The following UBE2K variants were observed in gnomAD, a reference collection of about 807,000 sequenced individuals.
UBE2K encodes the protein ubiquitin-conjugating enzyme E2 K.
Under a neutral mutation model 30.0 loss-of-function variants are expected in UBE2K, and 6 were observed. The ratio of observed to expected loss-of-function variants is 0.20; its 90% CI spans 0.11 to 0.39. The LOEUF (loss-of-function observed/expected upper bound fraction) is 0.39, where lower values mean the gene tolerates loss of function less well. UBE2K is among the 10% of genes least tolerant of loss of function. The pLI is 1.00. For missense variants in UBE2K, 61 were observed against 241.6 expected, an observed-to-expected ratio of 0.25 and a Z score of 4.96; for synonymous variants, 86 against 83.7, an observed-to-expected ratio of 1.03 and a Z score of -0.15.
intron 1 of UBE2K, among the ~76,000 whole-genome samples, chr4:39,704,087 G>C (rs114552900): frequency 0.019 from 2,846 of 150,956 alleles, 101 homozygotes; most frequent in African/African-American, 0.065. Context: ...ACGAGAATTT[G>C]AACAGTTGTT....
At chr4:39,728,059 G>A (rs539835673) in intron 1 of UBE2K, among the ~76,000 whole-genome samples, 32 of 152,122 alleles carry the variant, frequency 2.1e-4, no homozygotes, top group Non-Finnish European at 3.4e-4. Context: ...GCTTCAACCC[G>A]GGTGGTGGAG....
intron 5 of UBE2K, among the ~76,000 whole-genome samples, chr4:39,776,068 C>T (rs1713268693): frequency 6.6e-6 from 1 of 152,134 alleles, no homozygotes; most frequent in South Asian, 2.1e-4. Context: ...AGCACGAGAG[C>T]CTGGTGTTTA....
chr4:39,729,939 C>T (rs184358073), intron 1 of UBE2K, among the ~76,000 whole-genome samples: 1 of 152,298 alleles, frequency 6.6e-6, no homozygotes, highest in Admixed American at 6.5e-5. Flanking sequence ...GATTTTCTGT[C>T]TGCTAAATGT....
intron 1 of UBE2K, among the ~76,000 whole-genome samples, chr4:39,733,364 C>CG (rs1418891041): frequency 7.4e-6 from 1 of 135,446 alleles, no homozygotes; most frequent in African/African-American, 2.7e-5. Flanking sequence ...GACAGAATCT[C>CG]GGTCTATCAT....
At chr4:39,770,548 C>A in intron 4 of UBE2K, 1 of 1,595,116 alleles carries the variant, frequency 6.3e-7, no homozygotes, top group Non-Finnish European at 8.5e-7. Context: ...ATGGCCGCCG[C>A]TGCTGCTTCC....
Position 39,778,580 on chromosome 4 carries a change from A to G in UBE2K, c.*146A>G, listed in dbSNP as rs989175849. 2 of 501,380 alleles carry G rather than the reference A, an allele frequency of 4.0e-6. No individual in the cohort carries two copies. Among genetic ancestry groups the G allele is most frequent in the African/African-American group, 3.9e-5 (2 of 51,224 alleles). The allele number at this position is 501,380 out of a possible 1,614,324, so 31.1% of individuals were successfully genotyped here. A position where few individuals can be genotyped will look rare whatever the true frequency, so the allele number is the denominator to read the frequency against. On this transcript the variant is annotated 3_prime_UTR_variant, in exon 7 of 7. Transcript: ENST00000261427. The stretch of plus-strand genomic sequence containing the variant: ...TAGGCACCATTGGAGACTGAAAAAA[A>G]AAAATCCCTGCTCTGTAAATAAAGC...
In UBE2K at chr4:39,780,859, A is replaced by G. The variant is rs1480555888; in HGVS notation, c.*2425A>G. On this transcript the variant is annotated 3_prime_UTR_variant, in exon 7 of 7. Coordinates refer to ENST00000261427, the MANE Select transcript of UBE2K (RefSeq NM_005339.5). ...AAAAGGTCAGGCCTAGGGGAAAAGT[A>G]CCCTGGTGGAAATTATTTTTGTAAT... 1 of 152,012 alleles carries G rather than the reference A, an allele frequency of 6.6e-6. No individual in the cohort carries two copies. Among genetic ancestry groups the G allele is most frequent in the Non-Finnish European group, 1.5e-5 (1 of 67,966 alleles). 9.4% of individuals were successfully genotyped at this position (152,012 alleles called of 1,614,324 possible).
chr4:39,762,132 T>A (rs896976126), intron 4 of UBE2K, among the ~76,000 whole-genome samples: 2 of 151,706 alleles, frequency 1.3e-5, no homozygotes, highest in Non-Finnish European at 2.9e-5. Context: ...TGAGCCGAGA[T>A]CGCCTCACTG....
chr4:39,769,034 C>T (rs1461460184), intron 4 of UBE2K, among the ~76,000 whole-genome samples: 1 of 151,894 alleles, frequency 6.6e-6, no homozygotes, highest in Admixed American at 6.6e-5. Context: ...CCATGTTGCC[C>T]AGGTAGGTCT....
intron 4 of UBE2K, among the ~76,000 whole-genome samples, chr4:39,757,749 G>T (rs1711589049): frequency 6.6e-6 from 1 of 152,194 alleles, no homozygotes; most frequent in South Asian, 2.1e-4. Flanking sequence ...TCAGTGATAT[G>T]AATACATATT....
At chr4:39,720,174 A>T (rs1458213548) in intron 1 of UBE2K, among the ~76,000 whole-genome samples, 1 of 152,222 alleles carries the variant, frequency 6.6e-6, no homozygotes, top group African/African-American at 2.4e-5. Flanking sequence ...TTCTGGGACT[A>T]GGAAGAGTTG....
chr4:39,775,753 A>C (rs1233780613), intron 5 of UBE2K, among the ~76,000 whole-genome samples: 1 of 152,218 alleles, frequency 6.6e-6, no homozygotes, highest in Admixed American at 6.5e-5. Flanking sequence ...CCCTGTCTCA[A>C]AAAACAAATT....
At chr4:39,748,827 A>G (rs1721113756) in intron 3 of UBE2K, among the ~76,000 whole-genome samples, 1 of 152,192 alleles carries the variant, frequency 6.6e-6, no homozygotes, top group South Asian at 2.1e-4. Context: ...ACAAAAAAAA[A>G]TAAAGAACAA....
intron 4 of UBE2K, among the ~76,000 whole-genome samples, chr4:39,762,461 A>G (rs570010410): frequency 1.0e-3 from 157 of 152,256 alleles, no homozygotes; most frequent in African/African-American, 3.6e-3. Flanking sequence ...AAGAGGTTCC[A>G]TTTGGCTTCT....
intron 2 of UBE2K, among the ~76,000 whole-genome samples, chr4:39,741,324 T>A (rs1304585593): frequency 6.6e-6 from 1 of 152,230 alleles, no homozygotes; most frequent in Non-Finnish European, 1.5e-5. Context: ...AATATTTTGA[T>A]AAGATTAGAT....
chr4:39,716,613 C>G (rs1578428265), intron 1 of UBE2K, among the ~76,000 whole-genome samples: 1 of 152,030 alleles, frequency 6.6e-6, no homozygotes. Flanking sequence ...GTAATCCCAG[C>G]GTTTTGGACG....
intron 1 of UBE2K, among the ~76,000 whole-genome samples, chr4:39,705,623 G>C (rs1718307869): frequency 6.6e-6 from 1 of 152,082 alleles, no homozygotes; most frequent in Admixed American, 6.5e-5. Flanking sequence ...AAAATGGTGG[G>C]GGCAAAGAGT....
chr4:39,714,517 C>CATATATAT (rs71645182), intron 1 of UBE2K: 12 of 41,628 alleles, frequency 2.9e-4, no homozygotes, highest in East Asian at 1.2e-3. Context: ...TTAGAAGTTT[C>CATATATAT]ATATATATAT....
chr4:39,751,327 T>C (rs968977241), intron 3 of UBE2K, among the ~76,000 whole-genome samples: 3 of 152,216 alleles, frequency 2.0e-5, no homozygotes, highest in Non-Finnish European at 4.4e-5. Flanking sequence ...CTTGGCTTTT[T>C]TCCTATGTAT....
Sources: gnomAD v4.1 joint callset for allele counts (sites outside exome capture counted in the v4.1 genomes callset) on GRCh38, gnomAD v4.1.1 for gene constraint, MANE v1.5 for transcripts, NCBI Gene and HGNC (gene_info 2026-07-23, HGNC 2026-07-21) for gene names.